CNTN4: variants seen among roughly 807,000 people sequenced by gnomAD.
CNTN4 encodes contactin 4, also known as contactin-4.
CNTN4 carries 77 observed loss-of-function variants against 122.5 expected under a neutral mutation model. That is an observed-to-expected ratio of 0.63 (90% CI 0.52 to 0.76). The LOEUF (loss-of-function observed/expected upper bound fraction) is 0.76, where lower values mean the gene tolerates loss of function less well. Among genes scored for constraint, CNTN4 ranks in the 30% least tolerant of loss-of-function variants. The pLI, the probability that CNTN4 is intolerant of heterozygous loss-of-function variation, is 0.00. For synonymous variants in CNTN4, 512 were observed against 447.0 expected (o/e 1.15, Z -1.83); for missense variants, 1,256 against 1,259.1 (o/e 1.00, Z 0.04).
At chr3:2,785,798 A>G (rs1170494853) in intron 6 of CNTN4, among the ~76,000 whole-genome samples, 1 of 151,306 alleles carries the variant, frequency 6.6e-6, no homozygotes, top group Non-Finnish European at 1.5e-5. Context: ...AGTGAGGGCC[A>G]CACCCTCAAG....
intron 3 of CNTN4, among the ~76,000 whole-genome samples, chr3:2,547,504 G>A (rs1413815809): frequency 6.6e-6 from 1 of 152,044 alleles, no homozygotes; most frequent in Non-Finnish European, 1.5e-5. Context: ...GACCTCAGGT[G>A]ATCTGCCTAC....
intron 3 of CNTN4, among the ~76,000 whole-genome samples, chr3:2,360,229 A>G (rs2045068811): frequency 6.6e-6 from 1 of 152,162 alleles, no homozygotes; most frequent in African/African-American, 2.4e-5. Context: ...CTGTTTGAGA[A>G]CTTCTAAACA....
rs191730164 is a variant in CNTN4, at chr3:2,924,421, A to C, written c.1208-1208A>C. On this transcript the variant is annotated intron_variant, in intron 12 of 24. Coordinates refer to ENST00000418658, the MANE Select transcript of CNTN4 (RefSeq NM_175607.3). Reference sequence around the variant, plus strand: ...ATGGTCTTAAATATTAAATTCCACCAGGTCAAACTGCAATGAGTCAGGCTT... The same window carrying C: ...ATGGTCTTAAATATTAAATTCCACCCGGTCAAACTGCAATGAGTCAGGCTT... 2.8e-3 allele frequency among the ~76,000 whole-genome samples: 420 copies of C among 152,276 alleles called. 3 individuals carry two copies. The highest frequency in any genetic ancestry group is 9.8e-3 in the African/African-American group (407 of 41,552).
intron 14 of CNTN4, among the ~76,000 whole-genome samples, chr3:3,015,915 T>C (rs1465413039): frequency 3.9e-5 from 6 of 152,170 alleles, no homozygotes; most frequent in Non-Finnish European, 5.9e-5. Context: ...GCAAAGATCT[T>C]ATTATGCCAT....
At chr3:2,908,303 G>A (rs1259929941) in intron 12 of CNTN4, among the ~76,000 whole-genome samples, 1 of 152,152 alleles carries the variant, frequency 6.6e-6, no homozygotes, top group Admixed American at 6.5e-5. Context: ...TTTAGTATTT[G>A]TGTCCACTCA....
intron 4 of CNTN4, among the ~76,000 whole-genome samples, chr3:2,576,439 G>A (rs552404930): frequency 3.1e-4 from 47 of 152,230 alleles, no homozygotes; most frequent in Admixed American, 5.2e-4. Context: ...TTCAAAAGTC[G>A]ATGTAAATAT....
rs537105550 is a variant in CNTN4 at position 2,635,915 on chromosome 3, G to A, written c.55+64357G>A. 3.9e-5 allele frequency among the ~76,000 whole-genome samples: 6 copies of A among 152,184 alleles called. No homozygotes were observed. In the East Asian group the frequency reaches 7.7e-4, roughly 20 times the overall value. On this transcript the variant is annotated intron_variant, in intron 4 of 24. Coordinates refer to ENST00000418658, the MANE Select transcript of CNTN4 (RefSeq NM_175607.3). ...GACAATGAGACACCAGACCCCTCAC[G>A]CATCATTATTGCCTAACCGAGCACC... is the stretch of plus-strand genomic sequence containing the variant.
intron 2 of CNTN4, among the ~76,000 whole-genome samples, chr3:2,297,880 GC>G (rs2042372789): frequency 6.6e-6 from 1 of 152,084 alleles, no homozygotes; most frequent in South Asian, 2.1e-4. Context: ...AGAGGCACAT[GC>G]CACCACACCT....
chr3:2,832,041 A>T (rs1487538609), intron 7 of CNTN4, among the ~76,000 whole-genome samples: 1 of 152,224 alleles, frequency 6.6e-6, no homozygotes, highest in African/African-American at 2.4e-5. Context: ...TTAGTACCCA[A>T]ATATGAGAAA....
chr3:2,888,707 C>A (rs2151025966), intron 10 of CNTN4, among the ~76,000 whole-genome samples: 1 of 151,856 alleles, frequency 6.6e-6, no homozygotes, highest in African/African-American at 2.4e-5. Context: ...ATGAAATATA[C>A]ATATATTCAT....
intron 2 of CNTN4, among the ~76,000 whole-genome samples, chr3:2,178,935 G>A (rs2036882132): frequency 6.6e-6 from 1 of 151,958 alleles, no homozygotes; most frequent in African/African-American, 2.4e-5. Context: ...CAGACACAGA[G>A]CATCCTTTAG....
intron 2 of CNTN4, among the ~76,000 whole-genome samples, chr3:2,129,796 A>T (rs1318685320): frequency 6.6e-6 from 1 of 151,862 alleles, no homozygotes; most frequent in East Asian, 1.9e-4. Context: ...ACCAGATTGT[A>T]CATAAAAATA....
At chr3:2,548,223 G>T (rs1478414275) in intron 3 of CNTN4, among the ~76,000 whole-genome samples, 4 of 152,034 alleles carry the variant, frequency 2.6e-5, no homozygotes, top group African/African-American at 9.7e-5. Context: ...CATTGCTTTT[G>T]GTGTTTTAGT....
intron 3 of CNTN4, among the ~76,000 whole-genome samples, chr3:2,494,092 C>T (rs1473695940): frequency 6.6e-6 from 1 of 151,456 alleles, no homozygotes; most frequent in African/African-American, 2.4e-5. Flanking sequence ...TTATTTTCCT[C>T]TTACATGTTA....
chr3:2,947,894 T>C (rs1253586880), intron 13 of CNTN4, among the ~76,000 whole-genome samples: 1 of 152,244 alleles, frequency 6.6e-6, no homozygotes, highest in Non-Finnish European at 1.5e-5. Flanking sequence ...AATTATTCTG[T>C]TCTAACATTA....
At chr3:2,820,702 A>G (rs902553676) in intron 7 of CNTN4, among the ~76,000 whole-genome samples, 5 of 152,128 alleles carry the variant, frequency 3.3e-5, no homozygotes, top group African/African-American at 9.7e-5. Context: ...ATGAATAACA[A>G]AAGACATTCT....
intron 3 of CNTN4, among the ~76,000 whole-genome samples, chr3:2,548,682 A>C (rs2078350268): frequency 6.6e-6 from 1 of 151,968 alleles, no homozygotes; most frequent in Non-Finnish European, 1.5e-5. Flanking sequence ...TCCATATGAA[A>C]TTTGAAGTAG....
intron 2 of CNTN4, among the ~76,000 whole-genome samples, chr3:2,163,122 C>A (rs1396869538): frequency 6.6e-6 from 1 of 152,114 alleles, no homozygotes; most frequent in African/African-American, 2.4e-5. Context: ...GCTATAGTTA[C>A]CAAATCAGCA....
chr3:2,947,894 T>A (rs1253586880), intron 13 of CNTN4, among the ~76,000 whole-genome samples: 1 of 152,244 alleles, frequency 6.6e-6, no homozygotes, highest in Non-Finnish European at 1.5e-5. Context: ...AATTATTCTG[T>A]TCTAACATTA....
Sources: allele counts gnomAD v4.1 joint callset (sites outside exome capture counted in the v4.1 genomes callset), GRCh38; gene constraint gnomAD v4.1.1; transcripts MANE v1.5; gene names NCBI Gene and HGNC (gene_info 2026-07-23, HGNC 2026-07-21).